TENM3: variants seen among roughly 807,000 people sequenced by gnomAD.
The protein encoded by TENM3 is teneurin transmembrane protein 3, also known as teneurin-3.
In TENM3, 63 loss-of-function variants were observed where a neutral mutation model predicts 255.1. The ratio of observed to expected loss-of-function variants is 0.25; its 90% CI spans 0.20 to 0.30. The LOEUF is 0.30. Ranked by LOEUF, TENM3 falls within the 10% of genes least tolerant of loss-of-function variation. The pLI is 1.00. For synonymous variants in TENM3, 1,306 were observed against 1,322.3 expected, an observed-to-expected ratio of 0.99 and a Z score of 0.27; for missense variants, 2,929 against 3,461.1, an observed-to-expected ratio of 0.85 and a Z score of 3.86.
intron 11 of TENM3, among the ~76,000 whole-genome samples, chr4:182,684,725 A>C (rs562453418): frequency 1.2e-4 from 19 of 152,294 alleles, no homozygotes; most frequent in South Asian, 4.1e-4. Flanking sequence ...GTAGTTCGTC[A>C]TTCTTAATTT....
At chr4:182,732,435 G>A (rs1411619548) in intron 16 of TENM3, among the ~76,000 whole-genome samples, 4 of 152,270 alleles carry the variant, frequency 2.6e-5, no homozygotes, top group South Asian at 4.1e-4. Flanking sequence ...TTCCCCATTC[G>A]TTTCATCTAC....
the TENM3 span, chr4:181,821,661 T>C: frequency 6.6e-6 from 1 of 152,194 alleles, no homozygotes; most frequent in Non-Finnish European, 1.5e-5. Flanking sequence ...AGATTAAAAA[T>C]AATTTATAGA....
chr4:182,518,695 T>A (rs1423025726), intron 3 of TENM3, among the ~76,000 whole-genome samples: 2 of 152,154 alleles, frequency 1.3e-5, no homozygotes, highest in East Asian at 3.9e-4. Flanking sequence ...ACACCTTGAT[T>A]TCAACCTGGT....
At chr4:182,519,697 A>G (rs1189551660) in intron 3 of TENM3, among the ~76,000 whole-genome samples, 2 of 152,208 alleles carry the variant, frequency 1.3e-5, no homozygotes, top group Non-Finnish European at 2.9e-5. Context: ...TTTACAAGAA[A>G]AATTAAAAGA....
At chr4:182,064,621 G>A in the TENM3 span, among the ~76,000 whole-genome samples, 1,180 of 152,150 alleles carry the variant, frequency 7.8e-3, 12 homozygotes, top group African/African-American at 0.027. Flanking sequence ...TAACCAATGG[G>A]GACCCATTCA....
chr4:181,592,256 A>AACACACACACACATAC, the TENM3 span, among the ~76,000 whole-genome samples: 1 of 148,320 alleles, frequency 6.7e-6, no homozygotes, highest in Non-Finnish European at 1.5e-5. Flanking sequence ...TTTAAACACA[A>AACACACACACACATAC]ACACACACAC....
Position 182,208,847 on chromosome 4 carries a change from T to C in TENM3, c.-76+64093T>C, listed in dbSNP as rs1268837660. On this transcript the variant is annotated intron_variant, in intron 1 of 2. Transcript: ENST00000512480. ...CTGATCAAACCTGTGCTTGCCTCTG[T>C]TGCAACGTTGGTTTAGTGGTCAAAG... Among the ~76,000 whole-genome samples the C allele has an allele frequency of 2.0e-5, 3 of 152,200 alleles. No individual in the cohort carries two copies. The East Asian group carries it at 5.8e-4, about 29-fold the overall frequency.
chr4:181,926,561 GT>G, the TENM3 span, among the ~76,000 whole-genome samples: 5 of 151,994 alleles, frequency 3.3e-5, no homozygotes, highest in African/African-American at 1.2e-4. Flanking sequence ...GGTTTTTTGG[GT>G]TTTGGGGTTT....
chr4:181,760,098 A>G, the TENM3 span, among the ~76,000 whole-genome samples: 1 of 152,126 alleles, frequency 6.6e-6, no homozygotes, highest in Non-Finnish European at 1.5e-5. Flanking sequence ...GATGAAACAA[A>G]CTTTAACAAA....
the TENM3 span, among the ~76,000 whole-genome samples, chr4:181,485,388 A>T: frequency 6.6e-6 from 1 of 152,134 alleles, no homozygotes; most frequent in Admixed American, 6.5e-5. Context: ...TAAAACTAAG[A>T]GATTAATGCC....
intron 1 of TENM3, among the ~76,000 whole-genome samples, chr4:182,230,516 G>A (rs1756489066): frequency 6.6e-6 from 1 of 151,906 alleles, no homozygotes; most frequent in Non-Finnish European, 1.5e-5. Flanking sequence ...CTAGGTGCTT[G>A]CAATAGAGCA....
intron 5 of TENM3, among the ~76,000 whole-genome samples, chr4:182,631,016 G>T (rs1485579710): frequency 1.3e-5 from 2 of 152,008 alleles, no homozygotes; most frequent in Non-Finnish European, 2.9e-5. Context: ...CTCTTTTTAA[G>T]GACCCATTAG....
intron 12 of TENM3, among the ~76,000 whole-genome samples, chr4:182,697,209 G>A (rs984019363): frequency 2.0e-5 from 3 of 152,112 alleles, no homozygotes; most frequent in Non-Finnish European, 4.4e-5. Context: ...TCTAGGCAGA[G>A]GAATTAGCCT....
At chr4:181,940,009 G>A in the TENM3 span, among the ~76,000 whole-genome samples, 1 of 152,172 alleles carries the variant, frequency 6.6e-6, no homozygotes, top group African/African-American at 2.4e-5. Context: ...AATTTAAGCA[G>A]AAATGCACGC....
chr4:182,269,460 T>C (rs1015918549), intron 1 of TENM3, among the ~76,000 whole-genome samples: 2 of 152,136 alleles, frequency 1.3e-5, no homozygotes, highest in African/African-American at 4.8e-5. Context: ...CTAAATGCTG[T>C]TGAGTGTAGG....
the TENM3 span, among the ~76,000 whole-genome samples, chr4:182,061,757 G>C: frequency 2.0e-5 from 3 of 152,160 alleles, no homozygotes; most frequent in South Asian, 4.2e-4. Flanking sequence ...CAAGGAGTTG[G>C]AGGCCAGCCT....
At chr4:182,176,450 T>C (rs1262617459) in intron 1 of TENM3, among the ~76,000 whole-genome samples, 1 of 152,220 alleles carries the variant, frequency 6.6e-6, no homozygotes, top group Non-Finnish European at 1.5e-5. Flanking sequence ...AAATCGTACC[T>C]GGTACATAAC....
chr4:181,769,744 A>G, the TENM3 span, among the ~76,000 whole-genome samples: 1 of 152,210 alleles, frequency 6.6e-6, no homozygotes, highest in Admixed American at 6.5e-5. Context: ...TTTTGAGAAT[A>G]AAATACATCT....
chr4:181,803,342 A>T, the TENM3 span, among the ~76,000 whole-genome samples: 1 of 152,182 alleles, frequency 6.6e-6, no homozygotes, highest in African/African-American at 2.4e-5. Context: ...ATATGTCTTT[A>T]TACTGGAAAT....
Sources: allele counts gnomAD v4.1 joint callset (sites outside exome capture counted in the v4.1 genomes callset), GRCh38; gene constraint gnomAD v4.1.1; transcripts MANE v1.5; gene names NCBI Gene and HGNC (gene_info 2026-07-23, HGNC 2026-07-21).